KLRG1: variants seen among roughly 807,000 people sequenced by gnomAD.
The protein encoded by KLRG1 is killer cell lectin-like receptor subfamily G member 1.
Under a neutral mutation model 21.8 loss-of-function variants are expected in KLRG1, and 16 were observed. The ratio of observed to expected loss-of-function variants is 0.73; its 90% CI spans 0.50 to 1.11. The LOEUF (loss-of-function observed/expected upper bound fraction) is 1.11, where lower values mean the gene tolerates loss of function less well. Ranked by LOEUF, KLRG1 falls within the 50% of genes most tolerant of loss-of-function variation. The pLI is 0.00. For missense variants in KLRG1, 173 were observed against 218.3 expected (o/e 0.79, Z 1.31); for synonymous variants, 69 against 75.9 (o/e 0.91, Z 0.47).
intron 3 of KLRG1, among the ~76,000 whole-genome samples, chr12:9,004,816 G>T (rs1592279414): frequency 6.8e-6 from 1 of 148,096 alleles, no homozygotes; most frequent in Middle Eastern, 3.5e-3. Flanking sequence ...TATTTTTCTA[G>T]GTGCTAGGGA....
chr12:9,120,924 A>G, the KLRG1 span, among the ~76,000 whole-genome samples: 1 of 147,658 alleles, frequency 6.8e-6, no homozygotes, highest in South Asian at 2.1e-4. Context: ...TCTGTTGCCC[A>G]GGCTGGAGTA....
At chr12:9,089,087 A>G in the KLRG1 span, 4 of 824,996 alleles carry the variant, frequency 4.8e-6, no homozygotes, top group Admixed American at 1.1e-4. Context: ...AAATGCATTG[A>G]TGGTGCTTCA....
chr12:9,174,660 A>AC, the KLRG1 span, among the ~76,000 whole-genome samples: 1 of 152,206 alleles, frequency 6.6e-6, no homozygotes, highest in Non-Finnish European at 1.5e-5. Flanking sequence ...ATTTCTATAC[A>AC]CCAACAACAG....
chr12:9,045,541 A>G, the KLRG1 span, among the ~76,000 whole-genome samples: 1 of 152,234 alleles, frequency 6.6e-6, no homozygotes, highest in African/African-American at 2.4e-5. Context: ...CAACAAGATG[A>G]AGATATGACA....
At chr12:9,101,196 C>A in the KLRG1 span, 1 of 1,559,614 alleles carries the variant, frequency 6.4e-7, no homozygotes, top group South Asian at 1.2e-5. Flanking sequence ...CAATGCCTCC[C>A]TTTGCCATTA....
chr12:8,993,703 T>TTTCTA (rs1947047625), intron 2 of KLRG1, among the ~76,000 whole-genome samples: 1 of 152,224 alleles, frequency 6.6e-6, no homozygotes, highest in Non-Finnish European at 1.5e-5. Flanking sequence ...GGCTGAGTAA[T>TTTCTA]GTCACAGTTG....
downstream of KLRG1, among the ~76,000 whole-genome samples, chr12:9,013,323 A>G (rs970779749): frequency 2.0e-5 from 3 of 152,200 alleles, no homozygotes; most frequent in Non-Finnish European, 4.4e-5. Context: ...ACAAATAAAC[A>G]TCCACAAGCA....
chr12:9,191,262 C>T, the KLRG1 span, among the ~76,000 whole-genome samples: 1 of 151,884 alleles, frequency 6.6e-6, no homozygotes, highest in African/African-American at 2.4e-5. Context: ...ATACATAGAC[C>T]AGTATTAGAA....
At chr12:9,026,065 G>A in the KLRG1 span, among the ~76,000 whole-genome samples, 1 of 152,148 alleles carries the variant, frequency 6.6e-6, no homozygotes, top group Non-Finnish European at 1.5e-5. Flanking sequence ...ACTATTGCAC[G>A]GTTTTTGGCA....
intron 1 of KLRG1, among the ~76,000 whole-genome samples, chr12:8,980,723 A>T (rs931061936): frequency 6.6e-6 from 1 of 152,178 alleles, no homozygotes; most frequent in African/African-American, 2.4e-5. Flanking sequence ...CTGAGGCTCT[A>T]GCTTTGGAGG....
chr12:9,045,087 G>T, the KLRG1 span, among the ~76,000 whole-genome samples: 1 of 152,088 alleles, frequency 6.6e-6, no homozygotes, highest in Non-Finnish European at 1.5e-5. Context: ...TCTGGTTTCT[G>T]GCATGACTTA....
chr12:9,029,498 C>G, the KLRG1 span, among the ~76,000 whole-genome samples: 2 of 152,034 alleles, frequency 1.3e-5, no homozygotes, highest in Non-Finnish European at 2.9e-5. Context: ...TCCACGGCCC[C>G]TGGCCTGAAT....
chr12:8,985,514 A>C (rs926647958), upstream of KLRG1, among the ~76,000 whole-genome samples: 1 of 152,082 alleles, frequency 6.6e-6, no homozygotes, highest in Non-Finnish European at 1.5e-5. Context: ...CACCCCCTAC[A>C]CCCACAGACA....
chr12:9,090,505 G>T, the KLRG1 span: 1 of 1,610,632 alleles, frequency 6.2e-7, no homozygotes, highest in Non-Finnish European at 8.5e-7. Context: ...ATAAGAAAGG[G>T]AGTAGAGAGG....
the KLRG1 span, chr12:9,027,898 C>G: frequency 1.1e-6 from 1 of 889,844 alleles, no homozygotes; most frequent in Admixed American, 1.7e-5. Flanking sequence ...TTTCCAGAAC[C>G]ATTTCGACCT....
the KLRG1 span, among the ~76,000 whole-genome samples, chr12:9,088,955 C>T: frequency 1.3e-5 from 2 of 152,294 alleles, no homozygotes; most frequent in East Asian, 3.9e-4. Context: ...ATACCATACA[C>T]TGGTCAGAAA....
the KLRG1 span, among the ~76,000 whole-genome samples, chr12:9,081,570 A>G: frequency 6.6e-6 from 1 of 152,246 alleles, no homozygotes; most frequent in Non-Finnish European, 1.5e-5. Flanking sequence ...TAGGACACCT[A>G]CATTGTTCAT....
chr12:9,118,193 A>G, the KLRG1 span, among the ~76,000 whole-genome samples: 1 of 152,182 alleles, frequency 6.6e-6, no homozygotes, highest in African/African-American at 2.4e-5. Context: ...GTTTCCTGTT[A>G]CCACTTCTCC....
the KLRG1 span, among the ~76,000 whole-genome samples, chr12:9,121,077 G>A: frequency 6.6e-6 from 1 of 151,768 alleles, no homozygotes; most frequent in Non-Finnish European, 1.5e-5. The surrounding 1 kb of genome is among the most constrained non-coding windows in gnomAD (Gnocchi z 4.4). Flanking sequence ...ATGGAGACAG[G>A]GTCCTACCAT....
Sources: allele counts gnomAD v4.1 joint callset (sites outside exome capture counted in the v4.1 genomes callset), GRCh38; gene constraint gnomAD v4.1.1; non-coding constraint Gnocchi (gnomAD v3.1); transcripts MANE v1.5; gene names NCBI Gene and HGNC (gene_info 2026-07-23, HGNC 2026-07-21).